Variants in SIRT6 observed in about 807,000 individuals in gnomAD.
SIRT6 encodes NAD-dependent protein deacylase sirtuin-6.
In SIRT6, 21 loss-of-function variants were observed where a neutral mutation model predicts 33.6. That is an observed-to-expected ratio of 0.62 (90% CI 0.44 to 0.90). SIRT6 has a LOEUF of 0.90. Among genes scored for constraint, SIRT6 ranks in the 40% least tolerant of loss-of-function variants. SIRT6 has a pLI of 0.00. For synonymous variants in SIRT6, 221 were observed against 223.9 expected, an observed-to-expected ratio of 0.99 and a Z score of 0.12; for missense variants, 504 against 510.6, an observed-to-expected ratio of 0.99 and a Z score of 0.12.
chr19:4,174,952 GA>G lies in SIRT6; in HGVS notation c.739-7del. 6.2e-7 allele frequency: 1 copy of G among 1,609,368 alleles called. No individual in the cohort carries two copies. On this transcript the variant is annotated splice_polypyrimidine_tract_variant and splice_region_variant and intron_variant, in intron 7 of 7. Transcript: ENST00000337491. This position sits in a 1 kb window ranked among gnomAD's most constrained non-coding sequence, Gnocchi z 4.2. ...CGGAGGTCAGCATGGCGGTCCTGCC[GA>G]GGGGCGGGACGGGTCAGGCGTGGGG...
At position 4,180,792 on chromosome 19, in the gene SIRT6, G is replaced by A. The variant is rs1234349413; in HGVS notation, c.184C>T (p.Pro62Ser). Residue 62 changes from proline (P) to serine (S), a missense_variant, in exon 2 of 8, where the codon CCC (proline) becomes TCC (serine). Physicochemically the swap from Pro to Ser is moderately conservative, Grantham distance 74. Transcript: ENST00000337491. Reference protein sequence around the residue: ...GAGISTASGIPDFRGPHGVWT... With the variant: ...GAGISTASGISDFRGPHGVWT... ...TGCACAATCACAGACCTGAAGTCGG[G>A]GATGCCAGAGGCAGTGCTGATGCCG... is the stretch of plus-strand genomic sequence containing the variant. 6 of 1,611,332 alleles carry A rather than the reference G, an allele frequency of 3.7e-6. No homozygotes were observed. Among genetic ancestry groups the A allele is most frequent in the Non-Finnish European group, 4.2e-6 (5 of 1,178,556 alleles).
intron 4 of SIRT6, 138 bp from the exon 5 acceptor site, chr19:4,176,075 G>A (rs554000331): frequency 2.4e-5 from 16 of 668,472 alleles, no homozygotes; most frequent in South Asian, 2.1e-4. Context: ...GACACGGAAC[G>A]AGTAGCCTTC....
chr19:4,179,570 G>C (rs534593980), intron 2 of SIRT6: 20 of 485,548 alleles, frequency 4.1e-5, no homozygotes, highest in African/African-American at 3.0e-4. Context: ...GGCAGAGAGA[G>C]AGAGATGAAT....
intron 4 of SIRT6, among the ~76,000 whole-genome samples, chr19:4,176,457 C>T (rs899486586): frequency 6.6e-6 from 1 of 152,086 alleles, no homozygotes; most frequent in East Asian, 1.9e-4. Context: ...GGTGTGGTGG[C>T]GGGCGCCTGC....
chr19:4,182,384 C>A, intron 1 of SIRT6, 90 bp downstream of exon 1: 1 of 1,333,476 alleles, frequency 7.5e-7, no homozygotes, highest in South Asian at 1.3e-5. Flanking sequence ...CTCAGTGCCC[C>A]CTGATATTCC....
At chr19:4,182,400 T>A (rs1967754863) in intron 1 of SIRT6, 74 bp downstream of exon 1, 1 of 1,445,868 alleles carries the variant, frequency 6.9e-7, no homozygotes, top group African/African-American at 1.4e-5. Flanking sequence ...ATTCCCACAA[T>A]GCCCCCCTGC....
At chr19:4,177,371 A>T (rs1967369121) in intron 3 of SIRT6, among the ~76,000 whole-genome samples, 2 of 151,948 alleles carry the variant, frequency 1.3e-5, no homozygotes, top group South Asian at 4.2e-4. Context: ...TTAACCCCCA[A>T]GGCTGAACCC....
rs777026518 is a variant in SIRT6 at position 4,179,137 on chromosome 19, A to G, written c.344T>C (p.Val115Ala). Residue 115 changes from valine (V) to alanine (A), a missense_variant, in exon 3 of 8, where the codon GTG becomes GCG. Transcript: ENST00000337491. Reference sequence around the variant, plus strand: ...GCCTGAGCGCACATGGAGCCCGTCCACGTTCTGGCTGACCAGGAAGCGGAG... The same window carrying G: ...GCCTGAGCGCACATGGAGCCCGTCCGCGTTCTGGCTGACCAGGAAGCGGAG... ...GLLRFLVSQN[V>A]DGLHVRSGFP... The G allele has an allele frequency of 1.2e-6, 2 of 1,612,614 alleles. No homozygotes were observed. The highest frequency in any genetic ancestry group is 1.7e-5 in the Admixed American group (1 of 59,928).
rs201305687 is a variant in SIRT6 at position 4,179,100 on chromosome 19, T to C, written c.377+4A>G. The C allele has an allele frequency of 1.3e-5, 21 of 1,611,470 alleles. No homozygotes were observed. Among genetic ancestry groups the C allele is most frequent in the Non-Finnish European group, 1.8e-5 (21 of 1,179,736 alleles). On this transcript the variant is annotated splice_donor_region_variant and intron_variant, in intron 3 of 7. Transcript: ENST00000337491. ...CTTTTGTGGGGGCGGGGCCAGGGTGTTACCTGGGGAAGCCTGAGCGCACAT... is the reference window on the plus strand; with the variant it reads ...CTTTTGTGGGGGCGGGGCCAGGGTGCTACCTGGGGAAGCCTGAGCGCACAT...
intron 3 of SIRT6, among the ~76,000 whole-genome samples, chr19:4,177,543 CA>C (rs1225303231): frequency 1.3e-5 from 2 of 151,940 alleles, no homozygotes; most frequent in Non-Finnish European, 2.9e-5. Context: ...GCATGAGATC[CA>C]ATCCCAGCTT....
chr19:4,181,136 C>T (rs932798339), intron 1 of SIRT6, among the ~76,000 whole-genome samples: 11 of 152,190 alleles, frequency 7.2e-5, no homozygotes, highest in Admixed American at 5.2e-4. Context: ...GCACTACCTC[C>T]CTTGCCCCCT....
intron 3 of SIRT6, 122 bp downstream of exon 3, chr19:4,178,982 C>A: frequency 2.3e-6 from 3 of 1,302,820 alleles, no homozygotes; most frequent in African/African-American, 1.5e-5. Flanking sequence ...TCTCCACACA[C>A]TGGGCCAAGA....
At chr19:4,180,984 T>G (rs1193590041) in intron 1 of SIRT6, 75 bp from the exon 2 acceptor site, 1 of 1,517,116 alleles carries the variant, frequency 6.6e-7, no homozygotes, top group East Asian at 2.3e-5. Context: ...AGCCACAGAC[T>G]GAGCTGTCCC....
intron 4 of SIRT6, 82 bp downstream of exon 4, chr19:4,176,997 C>A (rs889212562): frequency 7.9e-6 from 10 of 1,260,234 alleles, no homozygotes; most frequent in African/African-American, 1.5e-5. Context: ...TCCCCCCATA[C>A]CCTCTGGGTC....
intron 1 of SIRT6, 124 bp downstream of exon 1, chr19:4,182,350 G>A: frequency 1.0e-6 from 1 of 990,432 alleles, no homozygotes; most frequent in South Asian, 1.7e-5. Flanking sequence ...CTTCCTCACT[G>A]GGAAGTCCCT....
At chr19:4,182,341 T>C in intron 1 of SIRT6, 133 bp downstream of exon 1, 2 of 913,464 alleles carry the variant, frequency 2.2e-6, no homozygotes, top group Non-Finnish European at 3.2e-6. Context: ...TTCCCGCCCC[T>C]TCCTCACTGG....
chr19:4,175,880 G>A lies in SIRT6; in HGVS notation c.495C>T (p.Leu165=), dbSNP rs756159114. ...GTMGLKATGR[L]CTVAKARGLR... is the part of the protein sequence containing the mutation. ...GCCCCCTTGCCTTAGCCACGGTGCAGAGCCGGCCCGTGGCCTTCAGGCCCA... is the reference window on the plus strand; with the variant it reads ...GCCCCCTTGCCTTAGCCACGGTGCAAAGCCGGCCCGTGGCCTTCAGGCCCA... The change falls in exon 5 of 8, where the codon CTC becomes CTT. Residue 165 remains leucine, a synonymous_variant. Transcript: ENST00000337491. 1.3e-6 allele frequency: 2 copies of A among 1,567,558 alleles called. No individual in the cohort carries two copies. Among genetic ancestry groups the A allele is most frequent in the South Asian group, 2.3e-5 (2 of 85,294 alleles).
At chr19:4,179,562 C>CAG (rs138394764) in intron 2 of SIRT6, 9 of 496,186 alleles carry the variant, frequency 1.8e-5, no homozygotes, top group East Asian at 3.4e-5. Flanking sequence ...GAGGGAGAGG[C>CAG]AGAGAGAGAG....
chr19:4,176,938 C>G lies in SIRT6; in HGVS notation c.437+141G>C. 6.8e-6 allele frequency: 4 copies of G among 590,292 alleles called. No homozygotes were observed. The South Asian group carries it at 7.9e-5, about 12-fold the overall frequency. The allele number at this position is 590,292 out of a possible 1,614,324, so 36.6% of individuals were successfully genotyped here. The stretch of plus-strand genomic sequence containing the variant: ...AGGGAGACATACTCCTTATATCCCC[C>G]CAAGAGGGAGACACGCCCCCAGATC... On this transcript the variant is annotated intron_variant, in intron 4 of 7. Coordinates refer to ENST00000337491, the MANE Select transcript of SIRT6 (RefSeq NM_016539.4).
Sources: gnomAD v4.1 joint callset for allele counts (sites outside exome capture counted in the v4.1 genomes callset) on GRCh38, gnomAD v4.1.1 for gene constraint, Gnocchi (gnomAD v3.1) non-coding constraint, MANE v1.5 for transcripts, NCBI Gene and HGNC (gene_info 2026-07-23, HGNC 2026-07-21) for gene names.